GALNT13: variants seen among roughly 807,000 people sequenced by gnomAD.
GALNT13 encodes the protein polypeptide N-acetylgalactosaminyltransferase 13, also known as UDP-GalNAc:polypeptide N-acetylgalactosaminyltransferase 13.
Under a neutral mutation model 64.2 loss-of-function variants are expected in GALNT13, and 28 were observed. The observed-to-expected ratio is 0.44, with a 90% CI of 0.32 to 0.60. The LOEUF is 0.60. Ranked by LOEUF, GALNT13 falls within the 20% of genes least tolerant of loss-of-function variation. The probability of loss-of-function intolerance (pLI) is 0.05; values close to 1 mark genes in which losing one functional copy is unlikely to be tolerated. For missense variants in GALNT13, 577 were observed against 669.8 expected (o/e 0.86, Z 1.53); for synonymous variants, 214 against 224.6 (o/e 0.95, Z 0.42).
At chr2:153,888,177 T>C (rs1239828914) in intron 1 of GALNT13, among the ~76,000 whole-genome samples, 2 of 152,022 alleles carry the variant, frequency 1.3e-5, no homozygotes, top group African/African-American at 4.8e-5. Context: ...TATACATAAA[T>C]TAATAAACTG....
intron 3 of GALNT13, among the ~76,000 whole-genome samples, chr2:154,006,833 C>A (rs2105235675): frequency 6.6e-6 from 1 of 152,286 alleles, no homozygotes; most frequent in East Asian, 1.9e-4. Context: ...ATTGATACCA[C>A]TAAAGTGTTA....
the GALNT13 span, among the ~76,000 whole-genome samples, chr2:153,791,352 T>C: frequency 1.3e-5 from 2 of 152,184 alleles, no homozygotes; most frequent in Non-Finnish European, 1.5e-5. Context: ...ATAATGGTTA[T>C]TATTAAGTTG....
At chr2:153,933,700 AGTTT>A (rs1047398904) in intron 2 of GALNT13, among the ~76,000 whole-genome samples, 22 of 151,796 alleles carry the variant, frequency 1.4e-4, no homozygotes, top group Non-Finnish European at 2.8e-4. Flanking sequence ...TATTTATTTA[AGTTT>A]GTTTGTTTGT....
At chr2:153,377,636 C>G in the GALNT13 span, among the ~76,000 whole-genome samples, 1 of 152,140 alleles carries the variant, frequency 6.6e-6, no homozygotes, top group Non-Finnish European at 1.5e-5. Flanking sequence ...GAGACCCTCA[C>G]CAGAAGATAA....
At chr2:153,494,594 C>T in the GALNT13 span, among the ~76,000 whole-genome samples, 3 of 151,576 alleles carry the variant, frequency 2.0e-5, no homozygotes, top group African/African-American at 7.3e-5. Flanking sequence ...TCATACTGTG[C>T]TAAAAAACTA....
chr2:154,291,062 A>G (rs771105415), intron 8 of GALNT13, among the ~76,000 whole-genome samples: 32 of 152,204 alleles, frequency 2.1e-4, no homozygotes, highest in Non-Finnish European at 3.8e-4. Flanking sequence ...CGTGAAGAGC[A>G]AAAGAACAAA....
the GALNT13 span, among the ~76,000 whole-genome samples, chr2:153,444,740 G>T: frequency 1.3e-5 from 2 of 152,100 alleles, no homozygotes; most frequent in African/African-American, 2.4e-5. Flanking sequence ...ATGCATTTAA[G>T]ATTTATTTAT....
chr2:153,405,145 A>T, the GALNT13 span, among the ~76,000 whole-genome samples: 1 of 152,214 alleles, frequency 6.6e-6, no homozygotes, highest in African/African-American at 2.4e-5. Flanking sequence ...CTTCCTCCCC[A>T]TAAGTTTTAT....
the GALNT13 span, among the ~76,000 whole-genome samples, chr2:153,408,231 C>A: frequency 6.6e-6 from 1 of 152,050 alleles, no homozygotes; most frequent in Non-Finnish European, 1.5e-5. Context: ...GGGTTCCAGG[C>A]CAGGGAGCTG....
the GALNT13 span, among the ~76,000 whole-genome samples, chr2:153,576,660 T>C: frequency 6.6e-6 from 1 of 152,208 alleles, no homozygotes; most frequent in Non-Finnish European, 1.5e-5. Flanking sequence ...TTCAATACTT[T>C]TTCTCTATCT....
the GALNT13 span, among the ~76,000 whole-genome samples, chr2:153,848,989 A>T: frequency 6.6e-6 from 1 of 151,540 alleles, no homozygotes; most frequent in Admixed American, 6.6e-5. Flanking sequence ...ACTTTACAAA[A>T]AAAAGAGAAA....
intron 9 of GALNT13, among the ~76,000 whole-genome samples, chr2:154,311,377 A>C (rs1694029451): frequency 6.6e-6 from 1 of 152,104 alleles, no homozygotes; most frequent in African/African-American, 2.4e-5. Context: ...GGGAGATATC[A>C]CACATAGGTA....
chr2:154,221,157 A>T, intron 4 of GALNT13, among the ~76,000 whole-genome samples: 1 of 152,066 alleles, frequency 6.6e-6, no homozygotes, highest in East Asian at 1.9e-4. Context: ...TTGTCAGTCA[A>T]TTAACTTAGC....
chr2:154,410,572 C>T (rs1699747499), intron 11 of GALNT13, among the ~76,000 whole-genome samples: 1 of 151,666 alleles, frequency 6.6e-6, no homozygotes, highest in Non-Finnish European at 1.5e-5. Context: ...CTCTACACGT[C>T]TCAGTGTATC....
At chr2:153,593,450 A>C in the GALNT13 span, among the ~76,000 whole-genome samples, 2 of 152,176 alleles carry the variant, frequency 1.3e-5, no homozygotes, top group Non-Finnish European at 2.9e-5. Context: ...GTGTGAGCTC[A>C]GACACACCTA....
At position 154,298,773 on chromosome 2, in the gene GALNT13, T is replaced by TACA. The variant is rs1322617537; in HGVS notation, c.976-2635_976-2634insCAA. Among the ~76,000 whole-genome samples, 4 of 121,816 alleles carry TACA rather than the reference T, an allele frequency of 3.3e-5. 1 individual carries two copies. The highest frequency in any genetic ancestry group is 4.9e-5 in the Non-Finnish European group (3 of 61,184). The allele number at this position is 121,816 out of a possible 152,430, so 79.9% of individuals were successfully genotyped here. A position where few individuals can be genotyped will look rare whatever the true frequency, so the allele number is the denominator to read the frequency against. On this transcript the variant is annotated intron_variant, in intron 8 of 12. Coordinates refer to ENST00000392825, the MANE Select transcript of GALNT13 (RefSeq NM_052917.4). The stretch of plus-strand genomic sequence containing the variant: ...ATATATATACTATATATAAATTATA[T>TACA]ATTTATTTATATATTATATTATTTA...
the GALNT13 span, among the ~76,000 whole-genome samples, chr2:153,276,502 T>C: frequency 6.6e-6 from 1 of 152,136 alleles, no homozygotes. Flanking sequence ...AAACTATATA[T>C]TGAATCACTT....
chr2:153,603,068 T>A, the GALNT13 span, among the ~76,000 whole-genome samples: 1 of 151,862 alleles, frequency 6.6e-6, no homozygotes, highest in African/African-American at 2.4e-5. Flanking sequence ...TCCACCGTAT[T>A]CCATATATTT....
chr2:153,756,064 A>G, the GALNT13 span, among the ~76,000 whole-genome samples: 1 of 152,140 alleles, frequency 6.6e-6, no homozygotes, highest in Non-Finnish European at 1.5e-5. Flanking sequence ...AACTTATAAG[A>G]TTATATAGTA....
Sources: gnomAD v4.1 joint callset for allele counts (sites outside exome capture counted in the v4.1 genomes callset) on GRCh38, gnomAD v4.1.1 for gene constraint, MANE v1.5 for transcripts, NCBI Gene and HGNC (gene_info 2026-07-23, HGNC 2026-07-21) for gene names.